PRKCE: variants seen among roughly 807,000 people sequenced by gnomAD.
PRKCE encodes the protein protein kinase C epsilon, also known as protein kinase C epsilon type.
PRKCE carries 16 observed loss-of-function variants against 85.4 expected under a neutral mutation model. The observed-to-expected ratio is 0.19, with a 90% CI of 0.13 to 0.28. PRKCE has a LOEUF of 0.28. Ranked by LOEUF, PRKCE falls within the 10% of genes least tolerant of loss-of-function variation. PRKCE has a pLI of 1.00. For missense variants in PRKCE, 573 were observed against 975.2 expected (o/e 0.59, Z 5.49); for synonymous variants, 388 against 371.5 (o/e 1.04, Z -0.51).
intron 2 of PRKCE, among the ~76,000 whole-genome samples, chr2:45,929,863 G>A (rs375259544): frequency 2.6e-5 from 4 of 152,266 alleles, no homozygotes; most frequent in African/African-American, 9.6e-5. Flanking sequence ...TTTAGTGCCT[G>A]CATTTCCTGT....
intron 11 of PRKCE, among the ~76,000 whole-genome samples, chr2:46,100,667 G>A (rs996375675): frequency 3.3e-5 from 5 of 152,208 alleles, no homozygotes; most frequent in Admixed American, 6.5e-5. Flanking sequence ...GTCTGGGGAA[G>A]CAACTAAGAA....
intron 2 of PRKCE, among the ~76,000 whole-genome samples, chr2:45,921,669 C>T (rs375863709): frequency 4.6e-5 from 7 of 152,298 alleles, no homozygotes; most frequent in Admixed American, 2.6e-4. Context: ...CTTCTGGTTG[C>T]TCCAGTGTTC....
intron 10 of PRKCE, among the ~76,000 whole-genome samples, chr2:46,047,647 C>T (rs1452415435): frequency 6.6e-6 from 1 of 152,224 alleles, no homozygotes; most frequent in Non-Finnish European, 1.5e-5. Context: ...GATCAGGACA[C>T]ACTCTGGACA....
chr2:46,020,158 G>T (rs923570886), intron 10 of PRKCE, among the ~76,000 whole-genome samples: 1 of 151,970 alleles, frequency 6.6e-6, no homozygotes, highest in African/African-American at 2.4e-5. Flanking sequence ...CCAAGCTGTT[G>T]GTTTTCAAAT....
chr2:45,767,897 A>G (rs1231610362), intron 1 of PRKCE, among the ~76,000 whole-genome samples: 2 of 152,220 alleles, frequency 1.3e-5, no homozygotes, highest in Admixed American at 6.5e-5. Flanking sequence ...GATAGAAAAC[A>G]TTTGTGGGAA....
intron 1 of PRKCE, among the ~76,000 whole-genome samples, chr2:45,709,053 A>G (rs763951922): frequency 5.3e-5 from 8 of 152,248 alleles, no homozygotes; most frequent in Non-Finnish European, 1.2e-4. Flanking sequence ...AGTCAGGATC[A>G]TGGATTCAGT....
chr2:46,047,835 A>G (rs1288027507), intron 10 of PRKCE, among the ~76,000 whole-genome samples: 1 of 152,208 alleles, frequency 6.6e-6, no homozygotes, highest in Non-Finnish European at 1.5e-5. Context: ...AAGCATTTCC[A>G]CTGCTTACTA....
chr2:45,795,867 C>T (rs1291727347), intron 1 of PRKCE, among the ~76,000 whole-genome samples: 4 of 152,202 alleles, frequency 2.6e-5, no homozygotes, highest in African/African-American at 9.7e-5. Flanking sequence ...TTGTCTTCTG[C>T]AGGTTTGCAC....
chr2:45,804,474 C>G (rs1460100130), intron 1 of PRKCE, among the ~76,000 whole-genome samples: 1 of 152,136 alleles, frequency 6.6e-6, no homozygotes, highest in Non-Finnish European at 1.5e-5. Flanking sequence ...TTGAGCAAGG[C>G]AGATCAGGAA....
chr2:46,166,596 A>G (rs1177987885), intron 14 of PRKCE, among the ~76,000 whole-genome samples: 1 of 152,220 alleles, frequency 6.6e-6, no homozygotes, highest in Non-Finnish European at 1.5e-5. Context: ...CAGGAAAGCC[A>G]TGTGACACTC....
intron 1 of PRKCE, among the ~76,000 whole-genome samples, chr2:45,755,687 T>C (rs558229659): frequency 2.6e-5 from 4 of 152,252 alleles, no homozygotes; most frequent in Non-Finnish European, 5.9e-5. Flanking sequence ...TTGATTTCTC[T>C]GTCTATCCTC....
chr2:45,940,924 G>T (rs1029723773), intron 2 of PRKCE, among the ~76,000 whole-genome samples: 10 of 151,690 alleles, frequency 6.6e-5, no homozygotes, highest in Non-Finnish European at 1.5e-4. Context: ...AAATTAGCCA[G>T]GCATGGTGAC....
intron 1 of PRKCE, among the ~76,000 whole-genome samples, chr2:45,817,327 A>C (rs552649172): frequency 2.0e-4 from 30 of 152,284 alleles, no homozygotes; most frequent in African/African-American, 7.0e-4. Flanking sequence ...AAATCAGGGT[A>C]GTCCTGTTTA....
chr2:46,063,914 C>G (rs967456876), intron 10 of PRKCE, among the ~76,000 whole-genome samples: 6 of 152,070 alleles, frequency 3.9e-5, no homozygotes, highest in Admixed American at 6.5e-5. Flanking sequence ...TCTCTGAGCC[C>G]GAAGAGTTGT....
intron 10 of PRKCE, among the ~76,000 whole-genome samples, chr2:46,066,395 A>G (rs1210718564): frequency 2.0e-5 from 3 of 152,134 alleles, no homozygotes; most frequent in African/African-American, 7.2e-5. Flanking sequence ...TTTATGAATG[A>G]AAATAGATAG....
intron 14 of PRKCE, among the ~76,000 whole-genome samples, chr2:46,183,986 T>C (rs983099694): frequency 1.3e-5 from 2 of 152,188 alleles, no homozygotes; most frequent in African/African-American, 4.8e-5. Flanking sequence ...CACACAGTTG[T>C]ACCTTGGGAA....
At chr2:45,940,507 A>AGTAG (rs1166850209) in intron 2 of PRKCE, among the ~76,000 whole-genome samples, 2 of 152,238 alleles carry the variant, frequency 1.3e-5, no homozygotes, top group Admixed American at 6.5e-5. Context: ...CGTCTGGCTT[A>AGTAG]GTAGGCCCAA....
Position 45,945,432 on chromosome 2 carries a change from T to A in PRKCE, c.413-30997T>A, listed in dbSNP as rs549324839. On this transcript the variant is annotated intron_variant, in intron 2 of 14. Coordinates refer to ENST00000306156, the MANE Select transcript of PRKCE (RefSeq NM_005400.3). ...TGTGAACTCAGAGTAAGAACTCTTG[T>A]TATCAGGACAGCCCCAAGCCATTCA... Among the ~76,000 whole-genome samples the A allele has an allele frequency of 1.6e-4, 24 of 152,264 alleles. No individual in the cohort carries two copies. The South Asian group carries it at 4.8e-3, about 30-fold the overall frequency.
At chr2:46,022,600 A>G (rs1706760301) in intron 10 of PRKCE, among the ~76,000 whole-genome samples, 1 of 152,272 alleles carries the variant, frequency 6.6e-6, no homozygotes, top group Non-Finnish European at 1.5e-5. Context: ...TACCTTGATC[A>G]AAGCCTCTGT....
Sources: gnomAD v4.1 joint callset for allele counts (sites outside exome capture counted in the v4.1 genomes callset) on GRCh38, gnomAD v4.1.1 for gene constraint, MANE v1.5 for transcripts, NCBI Gene and HGNC (gene_info 2026-07-23, HGNC 2026-07-21) for gene names.